Variants in CIC observed in about 807,000 individuals in gnomAD.
CIC encodes the protein capicua transcriptional repressor, also known as protein capicua homolog.
CIC carries 18 observed loss-of-function variants against 115.7 expected under a neutral mutation model. The observed-to-expected ratio is 0.16, with a 90% confidence interval of 0.11 to 0.23. CIC has a LOEUF of 0.23. CIC is among the 10% of genes least tolerant of loss of function. The pLI is 1.00. For missense variants in CIC, 2,000 were observed against 2,159.3 expected (o/e 0.93, Z 1.46); for synonymous variants, 1,076 against 923.0 (o/e 1.17, Z -3.01).
Position 42,273,746 on chromosome 19 carries a change from C to T in CIC, c.1963C>T (p.Arg655Cys). The change falls in exon 2 of 21, where the codon CGC (arginine) becomes TGC (cysteine). Residue 655 changes from arginine to cysteine, a missense_variant. Coordinates refer to ENST00000681038, the MANE Select transcript of CIC (RefSeq NM_001386298.1). ...SPINASPVIQ[R>C]TAVRSRHLSA... ...CATCAATGCCTCACCAGTCATCCAG[C>T]GCACTGCAGTCCGCAGTCGCCACCT... 1 of 398,826 alleles carries T rather than the reference C, an allele frequency of 2.5e-6. No individual in the cohort carries two copies. Among genetic ancestry groups the T allele is most frequent in the Non-Finnish European group, 4.4e-6 (1 of 226,116 alleles). 24.7% of individuals were successfully genotyped at this position (398,826 alleles called of 1,614,324 possible).
At chr19:42,285,078 A>G (rs2037535361) in intron 2 of CIC, among the ~76,000 whole-genome samples, 1 of 152,114 alleles carries the variant, frequency 6.6e-6, no homozygotes, top group Non-Finnish European at 1.5e-5. Context: ...GAACAGCACG[A>G]GACCTGCTGG....
At chr19:42,284,725 C>G in intron 2 of CIC, 2 of 1,555,692 alleles carry the variant, frequency 1.3e-6, no homozygotes, top group Non-Finnish European at 1.7e-6. Context: ...CCCACAGGCC[C>G]CTGATGCCCG....
Position 42,292,663 on chromosome 19 carries a change from C to T in CIC, c.6000C>T (p.Val2000=), listed in dbSNP as rs767790023. 2.4e-5 allele frequency: 38 copies of T among 1,613,904 alleles called. No homozygotes were observed. Among genetic ancestry groups the T allele is most frequent in the East Asian group, 2.2e-4 (10 of 44,888 alleles). ...PPACAAPGGP[V]ITAFYSGSPA... ...CCTGTGCAGCCCCCGGAGGTCCTGT[C>T]ATAACAGCATTTTACTCTGGCAGCC... Residue 2000 remains valine, a synonymous_variant, in exon 15 of 21, where the codon GTC becomes GTT. Transcript: ENST00000681038.
At chr19:42,274,915 A>T (rs2036913448) in intron 2 of CIC, among the ~76,000 whole-genome samples, 1 of 152,076 alleles carries the variant, frequency 6.6e-6, no homozygotes, top group South Asian at 2.1e-4. Context: ...ATCTTGGGGG[A>T]CTGGGCGAGG....
chr19:42,273,106 C>T lies in CIC; in HGVS notation c.1323C>T (p.Pro441=), dbSNP rs2036846473. The T allele has an allele frequency of 1.5e-5, 6 of 398,680 alleles. No individual in the cohort carries two copies. In the Admixed American group the frequency reaches 2.6e-4, roughly 18 times the overall value. The allele number at this position is 398,680 out of a possible 1,614,324, so 24.7% of individuals were successfully genotyped here. A position where few individuals can be genotyped will look rare whatever the true frequency, so the allele number is the denominator to read the frequency against. Residue 441 remains proline, a synonymous_variant, in exon 2 of 21, where the codon CCC becomes CCT. Coordinates refer to ENST00000681038, the MANE Select transcript of CIC (RefSeq NM_001386298.1). ...FVGPGRPGEQ[P]SPCQEGSQGG... ...GCCCCGGCCGCCCTGGCGAGCAGCC[C>T]TCGCCCTGCCAGGAGGGGAGCCAGG... is the stretch of plus-strand genomic sequence containing the variant.
intron 2 of CIC, among the ~76,000 whole-genome samples, chr19:42,285,928 G>A (rs561647214): frequency 6.6e-6 from 1 of 152,376 alleles, no homozygotes; most frequent in Admixed American, 6.5e-5. Flanking sequence ...TGGCACTTGT[G>A]CCCTCTCTGG....
intron 2 of CIC, among the ~76,000 whole-genome samples, chr19:42,283,082 T>C (rs2037337205): frequency 6.6e-6 from 1 of 151,944 alleles, no homozygotes; most frequent in Non-Finnish European, 1.5e-5. Flanking sequence ...TAGCACCCAT[T>C]AGGGTAGGAT....
Position 42,273,850 on chromosome 19 carries a change from G to A in CIC, c.2067G>A (p.Glu689=). 5.0e-6 allele frequency: 2 copies of A among 398,630 alleles called. No individual in the cohort carries two copies. Among genetic ancestry groups the A allele is most frequent in the African/African-American group, 2.1e-5 (1 of 48,662 alleles). The allele number at this position is 398,630 out of a possible 1,614,324, so 24.7% of individuals were successfully genotyped here. A position where few individuals can be genotyped will look rare whatever the true frequency, so the allele number is the denominator to read the frequency against. ...GPHPPPPAPR[E]RHSSGILPTF... ...ACCCACCGCCACCTGCCCCCCGAGAGCGCCACTCCTCTGGAATCCTACCCA... is the reference window on the plus strand; with the variant it reads ...ACCCACCGCCACCTGCCCCCCGAGAACGCCACTCCTCTGGAATCCTACCCA... Residue 689 remains glutamate (E), a synonymous_variant, in exon 2 of 21, where the codon GAG becomes GAA. Coordinates refer to ENST00000681038, the MANE Select transcript of CIC (RefSeq NM_001386298.1).
chr19:42,286,675 AG>A, intron 2 of CIC, 95 bp from the exon 3 acceptor site: 3 of 1,363,120 alleles, frequency 2.2e-6, no homozygotes, highest in Non-Finnish European at 2.9e-6. Context: ...GGTAGACAAA[AG>A]GGGTGGGGCT....
rs1287883280 is a variant in CIC, at chr19:42,294,997, GCTGCCC to G, written c.7368_7373del (p.Ala2457_Pro2458del). 2 of 1,595,638 alleles carry G rather than the reference GCTGCCC, an allele frequency of 1.3e-6. No homozygotes were observed. Among genetic ancestry groups the G allele is most frequent in the Non-Finnish European group, 1.7e-6 (2 of 1,178,124 alleles). On this transcript the variant is annotated inframe_deletion, in exon 21 of 21. Transcript: ENST00000681038. ...TGTACCGCCCCCCACTGGCACCGCT[GCTGCCC>G]CTGCCCCCACTCCCAGCCCCGCAGG...
rs587778207 is a variant in CIC, at chr19:42,293,752, C to T, written c.6683C>T (p.Pro2228Leu). Reference protein sequence around the residue: ...SSSGRAAGDTPERKEAAGTGK... With the variant: ...SSSGRAAGDTLERKEAAGTGK... ...AGTGGGCGGGCAGCCGGGGACACCC[C>T]GGAGCGCAAGGAGGCGGCTGGTACT... The change falls in exon 17 of 21, where the codon CCG (proline) becomes CTG (leucine). Residue 2228 changes from proline to leucine, a missense_variant. Pro to Leu is a moderately conservative substitution (Grantham distance 98, BLOSUM62 -3). This residue lies in a region of CIC where 1,466 missense variants were observed against 1,390.4 expected (regional missense o/e 1.05). Coordinates refer to ENST00000681038, the MANE Select transcript of CIC (RefSeq NM_001386298.1). 32 of 1,612,732 alleles carry T rather than the reference C, an allele frequency of 2.0e-5. No homozygotes were observed. Among genetic ancestry groups the T allele is most frequent in the Admixed American group, 5.0e-5 (3 of 59,992 alleles).
chr19:42,268,852 C>G (rs1278509331), upstream of CIC, among the ~76,000 whole-genome samples: 1 of 152,208 alleles, frequency 6.6e-6, no homozygotes, highest in Non-Finnish European at 1.5e-5. Flanking sequence ...ACAACCCGTC[C>G]CTTAGCCCCT....
At chr19:42,293,330 C>T (rs747126199) in intron 16 of CIC, 49 bp downstream of exon 16, 68 of 1,516,308 alleles carry the variant, frequency 4.5e-5, no homozygotes, top group Admixed American at 7.8e-5. Context: ...GGCTGTGCCT[C>T]TCCATTGACG....
At position 42,291,756 on chromosome 19, in the gene CIC, G is replaced by A. The variant is rs1360191287; in HGVS notation, c.5613+11G>A. The A allele has an allele frequency of 6.2e-7, 1 of 1,612,962 alleles. No individual in the cohort carries two copies. The highest frequency in any genetic ancestry group is 8.5e-7 in the Non-Finnish European group (1 of 1,179,962). On this transcript the variant is annotated intron_variant, in intron 12 of 20. Transcript: ENST00000681038. The stretch of plus-strand genomic sequence containing the variant: ...CAGCCCCCCAGCAAGGTGAGGGCCT[G>A]CCTTTCTCTCTACCTGCTGGATGTT...
At chr19:42,292,261 G>C (rs372286082) in intron 13 of CIC, 39 bp from the exon 14 acceptor site, 4 of 1,613,658 alleles carry the variant, frequency 2.5e-6, no homozygotes, top group Non-Finnish European at 3.4e-6. Context: ...GGGCGGGGCC[G>C]GCTTACCTCA....
rs920388530 is a variant in CIC at position 42,295,067 on chromosome 19, C to T, written c.7430C>T (p.Thr2477Met). 3.5e-5 allele frequency: 53 copies of T among 1,523,372 alleles called. No homozygotes were observed. Among genetic ancestry groups the T allele is most frequent in the Middle Eastern group, 1.9e-4 (1 of 5,248 alleles). 94.4% of individuals were successfully genotyped at this position (1,523,372 alleles called of 1,614,324 possible). The change falls in exon 21 of 21, where the codon ACG (threonine) becomes ATG (methionine). Residue 2477 changes from threonine (T) to methionine (M), a missense_variant. By Grantham distance (81) the Thr-to-Met change is moderately conservative. Coordinates refer to ENST00000681038, the MANE Select transcript of CIC (RefSeq NM_001386298.1). ...ACCTCACCCAGCTCGGACTCTGGCA[C>T]GGCCCAGGCTGCCCCGCCACTGCCT... ...DPTSPSSDSGTAQAAPPLPPP... is the reference protein window; with the variant it reads ...DPTSPSSDSGMAQAAPPLPPP...
intron 8 of CIC, 34 bp from the exon 9 acceptor site, chr19:42,289,147 C>T (rs371326300): frequency 2.5e-6 from 4 of 1,613,072 alleles, no homozygotes; most frequent in East Asian, 4.5e-5. Flanking sequence ...AGGGCAGCAG[C>T]CCCGCTGAAC....
rs1599894280 is a variant in CIC at position 42,287,471 on chromosome 19, T to C, written c.3309+22T>C. 5 of 1,612,528 alleles carry C rather than the reference T, an allele frequency of 3.1e-6. No individual in the cohort carries two copies. The East Asian group carries it at 6.7e-5, about 22-fold the overall frequency. On this transcript the variant is annotated intron_variant, in intron 5 of 20. Coordinates refer to ENST00000681038, the MANE Select transcript of CIC (RefSeq NM_001386298.1). The surrounding 1 kb of genome is among the most constrained non-coding windows in gnomAD (Gnocchi z 8.7). ...CAAGGTACTTTATCCCTGCCTGTCC[T>C]GTGCTCACCCCGTGGCCACCCACAC...
rs1162088275 is a variant in CIC at position 42,292,409 on chromosome 19, C to T, written c.5845C>T (p.Leu1949=). ...GTACGGGCCCACGAGCTCTGTAGCT[C>T]TAGGCTTCACCTCGCTGGGGCCCAG... ...TSYGPTSSVA[L]GFTSLGPSGP... Residue 1949 remains leucine (L), a synonymous_variant, in exon 14 of 21, where the codon CTA becomes TTA. Transcript: ENST00000681038. 2 of 1,611,858 alleles carry T rather than the reference C, an allele frequency of 1.2e-6. No homozygotes were observed. The highest frequency in any genetic ancestry group is 1.7e-6 in the Non-Finnish European group (2 of 1,179,220).
Sources: gnomAD v4.1 joint callset for allele counts (sites outside exome capture counted in the v4.1 genomes callset) on GRCh38, gnomAD v4.1.1 for gene constraint, gnomAD v4.1.1 regional missense constraint, Gnocchi (gnomAD v3.1) non-coding constraint, MANE v1.5 for transcripts, NCBI Gene and HGNC (gene_info 2026-07-23, HGNC 2026-07-21) for gene names.